PDE8A: variants seen among roughly 807,000 people sequenced by gnomAD.
PDE8A encodes high affinity cAMP-specific and IBMX-insensitive 3',5'-cyclic phosphodiesterase 8A.
In PDE8A, 59 loss-of-function variants were observed where a neutral mutation model predicts 105.0. The ratio of observed to expected loss-of-function variants is 0.56; its 90% confidence interval spans 0.46 to 0.70. PDE8A has a LOEUF of 0.70. Ranked by LOEUF, PDE8A falls within the 30% of genes least tolerant of loss-of-function variation. The pLI, the probability that PDE8A is intolerant of heterozygous loss-of-function variation, is 0.00. For synonymous variants in PDE8A, 355 were observed against 371.9 expected (o/e 0.95, Z 0.52); for missense variants, 1,014 against 1,045.9 (o/e 0.97, Z 0.42).
chr15:84,999,923 A>G (rs1803723762), intron 1 of PDE8A, among the ~76,000 whole-genome samples: 1 of 152,140 alleles, frequency 6.6e-6, no homozygotes, highest in African/African-American at 2.4e-5. Flanking sequence ...CTTGCCTCTA[A>G]TTGTGTGTGT....
At chr15:85,086,104 G>A (rs559970231) in intron 6 of PDE8A, among the ~76,000 whole-genome samples, 3 of 151,898 alleles carry the variant, frequency 2.0e-5, no homozygotes, top group East Asian at 3.9e-4. Context: ...AGTGACTAGA[G>A]TTGTGATAGT....
At position 85,009,104 on chromosome 15, in the gene PDE8A, AGAGAGAGTGTGTGTGTGTGT is replaced by A. The variant is rs1256518864; in HGVS notation, c.186+26758_186+26777del. Among the ~76,000 whole-genome samples the A allele has an allele frequency of 3.5e-3, 500 of 142,482 alleles. 1 individual carries two copies. The highest frequency in any genetic ancestry group is 0.011 in the African/African-American group (430 of 37,582). The allele number at this position is 142,482 out of a possible 152,430, so 93.5% of individuals were successfully genotyped here. A position where few individuals can be genotyped will look rare whatever the true frequency, so the allele number is the denominator to read the frequency against. ...GTGTTAGTGTGTGAGAGAGAGAGAG[AGAGAGAGTGTGTGTGTGTGT>A]GTGTGTGTGTGTGTGTGTGTGATGT... On this transcript the variant is annotated intron_variant, in intron 1 of 21. Coordinates refer to ENST00000394553, the MANE Select transcript of PDE8A (RefSeq NM_002605.3).
chr15:85,008,168 A>T (rs1191222148), intron 1 of PDE8A, among the ~76,000 whole-genome samples: 1 of 151,624 alleles, frequency 6.6e-6, no homozygotes, highest in East Asian at 1.9e-4. Context: ...TCTAATAGGG[A>T]GTGGTCTGGG....
chr15:85,113,983 T>G lies in PDE8A; in HGVS notation c.1296T>G (p.Phe432Leu). ...CCACTGAGTTATATTCACCACAGTT[T>G]GGTGCTAAAGATGATGATCCCCATG... is the stretch of plus-strand genomic sequence containing the variant. ...LRTTELYSPQ[F>L]GAKDDDPHAN... The change falls in exon 14 of 22, where the codon TTT becomes TTG. Residue 432 changes from phenylalanine (F) to leucine (L), a missense_variant. Transcript: ENST00000394553. 6.2e-7 allele frequency: 1 copy of G among 1,614,024 alleles called. No individual in the cohort carries two copies.
intron 1 of PDE8A, among the ~76,000 whole-genome samples, chr15:85,015,387 TG>T (rs2080308464): frequency 6.6e-6 from 1 of 152,092 alleles, no homozygotes; most frequent in South Asian, 2.1e-4. Context: ...GGCTAATTTT[TG>T]TAAAGATGGA....
At chr15:84,983,079 A>G (rs933774591) in intron 1 of PDE8A, among the ~76,000 whole-genome samples, 1 of 152,132 alleles carries the variant, frequency 6.6e-6, no homozygotes, top group African/African-American at 2.4e-5. Flanking sequence ...TCTCCAGCGC[A>G]TGTTGCCTTG....
At chr15:85,121,128 CAGTGGGCCGGACAT>C (rs1355046297) in intron 18 of PDE8A, 114 bp downstream of exon 18, 1 of 685,860 alleles carries the variant, frequency 1.5e-6, no homozygotes, top group Admixed American at 2.9e-5. Context: ...ACAAAGTATA[CAGTGGGCCGGACAT>C]AGTGGCTCAT....
At position 85,037,310 on chromosome 15, in the gene PDE8A, C is replaced by G. The variant is rs1041167997; in HGVS notation, c.187-27060C>G. On this transcript the variant is annotated intron_variant, in intron 1 of 21. Transcript: ENST00000394553. ...AAACTCCCAACCTCAGGTGATCTGCCCGCCTCTGCCTCCCGAAGTGCTGGG... is the reference window on the plus strand; with the variant it reads ...AAACTCCCAACCTCAGGTGATCTGCGCGCCTCTGCCTCCCGAAGTGCTGGG... Among the ~76,000 whole-genome samples the G allele has an allele frequency of 5.9e-5, 9 of 152,226 alleles. No homozygotes were observed. The East Asian group carries it at 1.7e-3, about 29-fold the overall frequency.
At chr15:85,075,192 A>G (rs2081364284) in intron 3 of PDE8A, among the ~76,000 whole-genome samples, 1 of 152,182 alleles carries the variant, frequency 6.6e-6, no homozygotes, top group Non-Finnish European at 1.5e-5. Flanking sequence ...TGCTTCTGCA[A>G]AAGGGTTGAA....
upstream of PDE8A, among the ~76,000 whole-genome samples, chr15:84,981,026 C>A (rs997964423): frequency 6.6e-6 from 1 of 152,168 alleles, no homozygotes; most frequent in Non-Finnish European, 1.5e-5. Flanking sequence ...ACTTTCACTA[C>A]CCCCAAAGGA....
chr15:85,014,920 C>T (rs2080299402), intron 1 of PDE8A, among the ~76,000 whole-genome samples: 2 of 152,144 alleles, frequency 1.3e-5, no homozygotes, highest in African/African-American at 4.8e-5. Flanking sequence ...CTCCCCATTG[C>T]CTCCTGCCCC....
Position 85,123,278 on chromosome 15 carries a change from C to T in PDE8A, c.2085+85C>T. On this transcript the variant is annotated intron_variant, in intron 19 of 21. Transcript: ENST00000394553. ...GGAGACACATGGGCTATGATATCAG[C>T]CACAGAAGGGTTCCCTCAGTGAGTC... 4 of 1,250,272 alleles carry T rather than the reference C, an allele frequency of 3.2e-6. No homozygotes were observed. In the South Asian group the frequency reaches 3.7e-5, roughly 12 times the overall value. The allele number at this position is 1,250,272 out of a possible 1,614,324, so 77.4% of individuals were successfully genotyped here.
chr15:85,067,242 C>G (rs777725439), intron 3 of PDE8A, 38 bp downstream of exon 3: 4 of 1,437,318 alleles, frequency 2.8e-6, no homozygotes, highest in Non-Finnish European at 3.8e-6. Context: ...TCCCATTGGC[C>G]TTTCTGACAA....
intron 1 of PDE8A, among the ~76,000 whole-genome samples, chr15:85,008,436 C>G (rs1382264634): frequency 1.3e-5 from 2 of 152,094 alleles, no homozygotes; most frequent in East Asian, 1.9e-4. Flanking sequence ...GACCCTTCCT[C>G]CATACTGTGT....
intron 1 of PDE8A, among the ~76,000 whole-genome samples, chr15:85,050,397 G>A (rs549745272): frequency 3.9e-5 from 6 of 152,228 alleles, no homozygotes; most frequent in Non-Finnish European, 5.9e-5. Flanking sequence ...GCCAAGTCTA[G>A]TGTTGTGAAG....
intron 8 of PDE8A, among the ~76,000 whole-genome samples, chr15:85,092,240 C>T (rs752119895): frequency 6.6e-6 from 1 of 152,022 alleles, no homozygotes; most frequent in Non-Finnish European, 1.5e-5. Flanking sequence ...GCTGCAGGGG[C>T]CCAGTGAAGC....
At chr15:85,127,401 T>C (rs2082273170) in intron 20 of PDE8A, among the ~76,000 whole-genome samples, 1 of 152,184 alleles carries the variant, frequency 6.6e-6, no homozygotes, top group African/African-American at 2.4e-5. Context: ...GCAGATGACA[T>C]GATTTTATGC....
Position 85,064,395 on chromosome 15 carries a change from G to A in PDE8A, c.212G>A (p.Gly71Asp). ...KKVAVADVQFGPMRFHQDQLQ... is the reference protein window; with the variant it reads ...KKVAVADVQFDPMRFHQDQLQ... ...GTAGCAGTAGCTGATGTGCAGTTTG[G>A]CCCCATGAGATTTCATCAAGATCAA... Residue 71 changes from glycine (G) to aspartate (D), a missense_variant, in exon 2 of 22, where the codon GGC (glycine) becomes GAC (aspartate). Transcript: ENST00000394553. 1 of 1,610,420 alleles carries A rather than the reference G, an allele frequency of 6.2e-7. No individual in the cohort carries two copies. The highest frequency in any genetic ancestry group is 1.7e-4 in the Middle Eastern group (1 of 6,056).
Position 85,138,094 on chromosome 15 carries a change from T to C in PDE8A, c.*191T>C. On this transcript the variant is annotated 3_prime_UTR_variant, in exon 22 of 22. Transcript: ENST00000394553. ...CAATGCCATTACTGTCAAGTGAGAC[T>C]TGGCCACTGTAGCCTGGGCCTGCTG... is the stretch of plus-strand genomic sequence containing the variant. 1 of 525,770 alleles carries C rather than the reference T, an allele frequency of 1.9e-6. No homozygotes were observed. Among genetic ancestry groups the C allele is most frequent in the Non-Finnish European group, 3.4e-6 (1 of 294,190 alleles). The allele number at this position is 525,770 out of a possible 1,614,324, so 32.6% of individuals were successfully genotyped here. A position where few individuals can be genotyped will look rare whatever the true frequency, so the allele number is the denominator to read the frequency against.
Sources: gnomAD v4.1 joint callset for allele counts (sites outside exome capture counted in the v4.1 genomes callset) on GRCh38, gnomAD v4.1.1 for gene constraint, MANE v1.5 for transcripts, NCBI Gene and HGNC (gene_info 2026-07-23, HGNC 2026-07-21) for gene names.